Variants in TTC1 observed in about 807,000 individuals in gnomAD.
The protein encoded by TTC1 is tetratricopeptide repeat protein 1.
Under a neutral mutation model 37.6 loss-of-function variants are expected in TTC1, and 31 were observed. The ratio of observed to expected loss-of-function variants is 0.82; its 90% CI spans 0.62 to 1.11. TTC1 has a LOEUF of 1.11. Ranked by LOEUF, TTC1 falls within the 50% of genes most tolerant of loss-of-function variation. The pLI is 0.00. For missense variants in TTC1, 351 were observed against 339.0 expected (o/e 1.04, Z -0.28); for synonymous variants, 127 against 122.4 (o/e 1.04, Z -0.25).
At chr5:160,049,685 T>C in intron 6 of TTC1, 23 bp downstream of exon 6, 1 of 1,522,828 alleles carries the variant, frequency 6.6e-7, no homozygotes, top group Non-Finnish European at 8.8e-7. Flanking sequence ...ATTTTAAAAA[T>C]ATTTTTCCTT....
intron 2 of TTC1, chr5:160,024,106 G>A: frequency 1.3e-6 from 1 of 776,138 alleles, no homozygotes; most frequent in Non-Finnish European, 2.3e-6. Flanking sequence ...AGCCTTCTCT[G>A]TGCTGTGTAC....
intron 4 of TTC1, 29 bp from the exon 5 acceptor site, chr5:160,043,104 A>G (rs1460867099): frequency 6.2e-7 from 1 of 1,610,788 alleles, no homozygotes; most frequent in African/African-American, 1.3e-5. Flanking sequence ...AACTAGGGCA[A>G]CACATATTAA....
At chr5:160,042,786 T>C (rs984886701) in intron 4 of TTC1, among the ~76,000 whole-genome samples, 2 of 152,358 alleles carry the variant, frequency 1.3e-5, no homozygotes, top group Admixed American at 1.3e-4. Flanking sequence ...AATTCAGTTA[T>C]TCACATGTCA....
chr5:160,063,111 G>A (rs948125944), intron 7 of TTC1, among the ~76,000 whole-genome samples: 1 of 152,184 alleles, frequency 6.6e-6, no homozygotes. Context: ...TCAATTTACT[G>A]TTTTATCCAA....
chr5:160,065,062 A>G lies in TTC1; in HGVS notation c.876A>G (p.Arg292=), dbSNP rs1443032826. The G allele has an allele frequency of 1.2e-6, 2 of 1,608,232 alleles. No individual in the cohort carries two copies. The highest frequency in any genetic ancestry group is 1.3e-5 in the African/African-American group (1 of 74,500). Residue 292 remains arginine (R), a synonymous_variant, in exon 8 of 8, where the codon AGA becomes AGG. Coordinates refer to ENST00000231238, the MANE Select transcript of TTC1 (RefSeq NM_003314.3). ...INFVQNPNNN[R] Reference sequence around the variant, plus strand: ...TCGTTCAAAATCCAAATAATAACAGATAACAAAGATAACAAAAGCTTTACA... The same window carrying G: ...TCGTTCAAAATCCAAATAATAACAGGTAACAAAGATAACAAAAGCTTTACA...
Position 160,019,555 on chromosome 5 carries a change from TTTG to T in TTC1, c.330+8703_330+8705del, listed in dbSNP as rs535332596. Among the ~76,000 whole-genome samples, 238 of 152,042 alleles carry T rather than the reference TTTG, an allele frequency of 1.6e-3. 1 individual carries two copies. Among genetic ancestry groups the T allele is most frequent in the Non-Finnish European group, 3.0e-3 (204 of 67,980 alleles). ...TAACGTCATGAGCAACCTTTCTGAT[TTTG>T]TTGTTTCCCTTTTCTTTCATTCTTT... On this transcript the variant is annotated intron_variant, in intron 2 of 7. Coordinates refer to ENST00000231238, the MANE Select transcript of TTC1 (RefSeq NM_003314.3).
intron 2 of TTC1, among the ~76,000 whole-genome samples, chr5:160,013,646 G>A (rs1198398126): frequency 1.3e-5 from 2 of 151,678 alleles, no homozygotes; most frequent in Non-Finnish European, 2.9e-5. Flanking sequence ...GGGAGGCTGC[G>A]GCAGGAGAAT....
At chr5:160,040,888 G>A (rs887337375) in intron 4 of TTC1, among the ~76,000 whole-genome samples, 8 of 151,610 alleles carry the variant, frequency 5.3e-5, no homozygotes, top group African/African-American at 1.9e-4. Flanking sequence ...GGAATTATAG[G>A]CGTGAGCTAC....
At chr5:160,023,671 G>A in intron 2 of TTC1, 11 of 1,363,890 alleles carry the variant, frequency 8.1e-6, no homozygotes, top group Non-Finnish European at 1.1e-5. Context: ...AGGCTCAATG[G>A]GGACAAAGCC....
chr5:160,026,475 A>G (rs763947648), intron 2 of TTC1, among the ~76,000 whole-genome samples: 4 of 152,020 alleles, frequency 2.6e-5, no homozygotes, highest in Non-Finnish European at 5.9e-5. Context: ...TATATATTTT[A>G]TGGTTCTGCT....
chr5:160,013,758 A>T (rs1488202464), intron 2 of TTC1, among the ~76,000 whole-genome samples: 1 of 151,464 alleles, frequency 6.6e-6, no homozygotes, highest in African/African-American at 2.4e-5. Flanking sequence ...AAAAAAAAAA[A>T]ATACTAACTA....
Position 160,065,030 on chromosome 5 carries a change from A to G in TTC1, c.844A>G (p.Ile282Val), listed in dbSNP as rs1753559772. ...KQDSSTGSYS[I>V]NFVQNPNNNR is the part of the protein sequence containing the mutation. ...GGATTCCTCTACCGGCTCGTACTCCATCAATTTCGTTCAAAATCCAAATAA... is the reference window on the plus strand; with the variant it reads ...GGATTCCTCTACCGGCTCGTACTCCGTCAATTTCGTTCAAAATCCAAATAA... The change falls in exon 8 of 8, where the codon ATC (isoleucine) becomes GTC (valine). Residue 282 changes from isoleucine (I) to valine (V), a missense_variant. Physicochemically the swap from Ile to Val is conservative, Grantham distance 29. Transcript: ENST00000231238. The G allele has an allele frequency of 6.2e-7, 1 of 1,612,982 alleles. No individual in the cohort carries two copies. Among genetic ancestry groups the G allele is most frequent in the African/African-American group, 1.3e-5 (1 of 74,860 alleles).
chr5:160,061,200 C>G (rs1054858844), intron 7 of TTC1, among the ~76,000 whole-genome samples: 1 of 152,226 alleles, frequency 6.6e-6, no homozygotes, highest in Non-Finnish European at 1.5e-5. Flanking sequence ...TGGGCTTGCA[C>G]GGACAGCACC....
intron 2 of TTC1, among the ~76,000 whole-genome samples, chr5:160,011,121 A>T (rs1252656936): frequency 6.6e-6 from 1 of 152,210 alleles, no homozygotes; most frequent in Non-Finnish European, 1.5e-5. Context: ...CTGTAATGTA[A>T]CAGTCTTTTT....
Position 160,010,790 on chromosome 5 carries a change from A to G in TTC1, c.262A>G (p.Asn88Asp). The G allele has an allele frequency of 6.2e-7, 1 of 1,614,246 alleles. No homozygotes were observed. Among genetic ancestry groups the G allele is most frequent in the Non-Finnish European group, 8.5e-7 (1 of 1,180,052 alleles). ...KVENKSNEDV[N>D]SSELDEEYLI... ...TGAGAACAAATCTAATGAAGATGTG[A>G]ATTCCTCTGAACTAGATGAAGAATA... The change falls in exon 2 of 8, where the codon AAT (asparagine) becomes GAT (aspartate). Residue 88 changes from asparagine (N) to aspartate (D), a missense_variant. Coordinates refer to ENST00000231238, the MANE Select transcript of TTC1 (RefSeq NM_003314.3).
At chr5:160,051,978 A>T (rs191853347) in intron 7 of TTC1, among the ~76,000 whole-genome samples, 22 of 152,370 alleles carry the variant, frequency 1.4e-4, no homozygotes, top group African/African-American at 5.3e-4. Flanking sequence ...TCTGGCATTT[A>T]TGGCCTTCAG....
chr5:160,010,578 G>C lies in TTC1; in HGVS notation c.50G>C (p.Gly17Ala). ...NCGVPEDLLN[G>A]LKVTDTQEAE... ...GGGGTTCCAGAGGATCTGTTAAATG[G>C]TTTGAAGGTTACAGATACTCAGGAA... The change falls in exon 2 of 8, where the codon GGT becomes GCT. Residue 17 changes from glycine (G) to alanine (A), a missense_variant. Coordinates refer to ENST00000231238, the MANE Select transcript of TTC1 (RefSeq NM_003314.3). The C allele has an allele frequency of 6.2e-7, 1 of 1,614,094 alleles. No individual in the cohort carries two copies. The highest frequency in any genetic ancestry group is 8.5e-7 in the Non-Finnish European group (1 of 1,180,024).
At chr5:160,015,808 T>A (rs149719882) in intron 2 of TTC1, among the ~76,000 whole-genome samples, 131 of 152,268 alleles carry the variant, frequency 8.6e-4, no homozygotes, top group Non-Finnish European at 1.4e-3. Flanking sequence ...GGTCACAACC[T>A]GGGACTTGTG....
chr5:160,022,480 A>G (rs1184725696), intron 2 of TTC1, among the ~76,000 whole-genome samples: 1 of 152,236 alleles, frequency 6.6e-6, no homozygotes, highest in Admixed American at 6.5e-5. Flanking sequence ...TAAGAAAGTG[A>G]ATCAATCCAT....
Sources: allele counts gnomAD v4.1 joint callset (sites outside exome capture counted in the v4.1 genomes callset), GRCh38; gene constraint gnomAD v4.1.1; transcripts MANE v1.5; gene names NCBI Gene and HGNC (gene_info 2026-07-23, HGNC 2026-07-21).